Variants in ESRP1 observed in about 807,000 individuals in gnomAD.
ESRP1 encodes the protein epithelial splicing regulatory protein 1.
ESRP1 carries 33 observed loss-of-function variants against 81.7 expected under a neutral mutation model. The observed-to-expected ratio is 0.40, with a 90% CI of 0.31 to 0.54. The LOEUF is 0.54. Among genes scored for constraint, ESRP1 ranks in the 20% least tolerant of loss-of-function variants. The pLI is 0.41. For missense variants in ESRP1, 672 were observed against 833.1 expected, an observed-to-expected ratio of 0.81 and a Z score of 2.38; for synonymous variants, 320 against 303.3, an observed-to-expected ratio of 1.06 and a Z score of -0.57.
intron 13 of ESRP1, among the ~76,000 whole-genome samples, chr8:94,691,046 T>A (rs1809382535): frequency 6.6e-6 from 1 of 152,168 alleles, no homozygotes; most frequent in South Asian, 2.1e-4. Flanking sequence ...TCTGCAAAAA[T>A]GAAGAGGTAT....
rs1355564415 is a variant in ESRP1 at position 94,706,044 on chromosome 8, G to A, written c.*155G>A. ...TTTCAGCAAACTTGATTGGACAAAC[G>A]GGCCTGTGCCTTATCTTTTGGTGGA... On this transcript the variant is annotated 3_prime_UTR_variant, in exon 16 of 16. Coordinates refer to ENST00000433389, the MANE Select transcript of ESRP1 (RefSeq NM_017697.4). 9 of 1,227,116 alleles carry A rather than the reference G, an allele frequency of 7.3e-6. No individual in the cohort carries two copies. Among genetic ancestry groups the A allele is most frequent in the Middle Eastern group, 2.5e-4 (1 of 3,956 alleles). 76.0% of individuals were successfully genotyped at this position (1,227,116 alleles called of 1,614,324 possible).
intron 12 of ESRP1, among the ~76,000 whole-genome samples, chr8:94,675,584 G>T (rs1255501732): frequency 6.6e-6 from 1 of 152,102 alleles, no homozygotes; most frequent in African/African-American, 2.4e-5. Flanking sequence ...TTATAATTGG[G>T]TTAAGAGATC....
intron 13 of ESRP1, among the ~76,000 whole-genome samples, chr8:94,691,810 T>G (rs1809413335): frequency 6.6e-6 from 1 of 151,646 alleles, no homozygotes; most frequent in Non-Finnish European, 1.5e-5. Flanking sequence ...CTGATGACTT[T>G]TAAAAAATTC....
chr8:94,641,791 C>CG (rs1265197536), intron 1 of ESRP1, 165 bp from the exon 2 acceptor site: 6 of 870,236 alleles, frequency 6.9e-6, no homozygotes, highest in Admixed American at 5.4e-5. Context: ...GGGGGTGGGG[C>CG]GGGGGGCAGG....
At chr8:94,687,707 A>G (rs1264426749) in intron 13 of ESRP1, among the ~76,000 whole-genome samples, 2 of 152,090 alleles carry the variant, frequency 1.3e-5, no homozygotes, top group East Asian at 3.8e-4. Flanking sequence ...TGTGATTCTT[A>G]GCTATTTGCA....
In ESRP1 at chr8:94,664,706, G is replaced by T; in HGVS notation, c.654G>T (p.Met218Ile). The T allele has an allele frequency of 5.0e-6, 8 of 1,613,558 alleles. No homozygotes were observed. The highest frequency in any genetic ancestry group is 5.9e-6 in the Non-Finnish European group (7 of 1,179,548). ...TTTGCTTCATCCACAGCAGCAAGAT[G>T]GAACTTATTGATGATAACACCGTAG... is the stretch of plus-strand genomic sequence containing the variant. ...YKFESGTCSK[M>I]ELIDDNTVVR... Residue 218 changes from methionine (M) to isoleucine (I), a missense_variant, in exon 7 of 16, where the codon ATG becomes ATT. Met to Ile is a conservative substitution (Grantham distance 10, BLOSUM62 1). Transcript: ENST00000433389.
chr8:94,674,182 A>T, intron 11 of ESRP1, 126 bp from the exon 12 acceptor site: 2 of 1,012,258 alleles, frequency 2.0e-6, no homozygotes, highest in South Asian at 3.2e-5. Context: ...TCACACCATC[A>T]CCCGGATTTT....
chr8:94,670,114 C>T (rs1274192481), intron 10 of ESRP1, among the ~76,000 whole-genome samples: 1 of 152,180 alleles, frequency 6.6e-6, no homozygotes, highest in Non-Finnish European at 1.5e-5. Context: ...GGCTGCCTCT[C>T]TATGATTCTA....
intron 6 of ESRP1, among the ~76,000 whole-genome samples, chr8:94,663,241 CATTT>C (rs574824430): frequency 6.6e-6 from 1 of 152,036 alleles, no homozygotes; most frequent in African/African-American, 2.4e-5. Flanking sequence ...TCTATAAGTA[CATTT>C]ATTTATTTAT....
Position 94,692,775 on chromosome 8 carries a change from T to TCAG in ESRP1, c.1919_1920insCAG (p.Leu640_Ala641insArg). 2 of 1,613,818 alleles carry TCAG rather than the reference T, an allele frequency of 1.2e-6. No homozygotes were observed. Among genetic ancestry groups the TCAG allele is most frequent in the Non-Finnish European group, 1.7e-6 (2 of 1,179,818 alleles). On this transcript the variant is annotated inframe_insertion, in exon 14 of 16. Transcript: ENST00000433389. ...GGCACGGTGGTCAGAATGCAGGGCC[T>TCAG]GGCCTACAATACTGGAGTTAAGGAA...
intron 14 of ESRP1, among the ~76,000 whole-genome samples, chr8:94,695,605 C>T (rs925401023): frequency 1.3e-4 from 20 of 150,788 alleles, no homozygotes; most frequent in African/African-American, 2.7e-4. Context: ...CCTCGTGACC[C>T]GCCTGCGTTG....
At chr8:94,676,971 G>A (rs1230706726) in intron 12 of ESRP1, among the ~76,000 whole-genome samples, 1 of 151,984 alleles carries the variant, frequency 6.6e-6, no homozygotes, top group African/African-American at 2.4e-5. Flanking sequence ...TGACCAACAT[G>A]GCGAAACCCT....
intron 15 of ESRP1, 83 bp from the exon 16 acceptor site, chr8:94,705,842 G>T: frequency 1.6e-6 from 2 of 1,236,596 alleles, no homozygotes; most frequent in Non-Finnish European, 1.1e-6. Flanking sequence ...TGTGGAATTT[G>T]AAATCATTTT....
Position 94,671,647 on chromosome 8 carries a change from G to A in ESRP1, c.1428G>A (p.Gly476=), listed in dbSNP as rs139527251. 664 of 1,613,582 alleles carry A rather than the reference G, an allele frequency of 4.1e-4. 3 individuals are homozygous for A. In the African/African-American group the frequency reaches 7.5e-3, roughly 18 times the overall value. The change falls in exon 11 of 16, where the codon GGG becomes GGA. Residue 476 remains glycine (G), a synonymous_variant. Transcript: ENST00000433389. ...GEFATDIRTH[G]VHMVLNHQGR... ...TCGCCACAGATATTCGTACTCATGG[G>A]GTTCACATGGTTTTGAATCACCAGG...
chr8:94,688,847 A>G lies in ESRP1; in HGVS notation c.1821-3830A>G, dbSNP rs960541956. Among the ~76,000 whole-genome samples, 10 of 152,184 alleles carry G rather than the reference A, an allele frequency of 6.6e-5. No individual in the cohort carries two copies. In the East Asian group the frequency reaches 1.7e-3, roughly 26 times the overall value. ...AGTATTCTGGATCCTTTTTATTTCCATATACATTTTAGGTTCAGTTTTGTC... is the reference window on the plus strand; with the variant it reads ...AGTATTCTGGATCCTTTTTATTTCCGTATACATTTTAGGTTCAGTTTTGTC... On this transcript the variant is annotated intron_variant, in intron 13 of 15. Transcript: ENST00000433389.
At chr8:94,675,953 G>A (rs28369125) in intron 12 of ESRP1, among the ~76,000 whole-genome samples, 2,216 of 152,278 alleles carry the variant, frequency 0.015, 48 homozygotes, top group African/African-American at 0.05. Context: ...AACATAACGA[G>A]TTTATGTTTC....
intron 13 of ESRP1, among the ~76,000 whole-genome samples, chr8:94,679,143 G>A (rs1186283094): frequency 6.6e-6 from 1 of 152,218 alleles, no homozygotes; most frequent in Non-Finnish European, 1.5e-5. Flanking sequence ...TAAGGAGTAA[G>A]AGTTAGGGGT....
At chr8:94,664,224 A>G (rs1034875865) in intron 6 of ESRP1, among the ~76,000 whole-genome samples, 1 of 149,838 alleles carries the variant, frequency 6.7e-6, no homozygotes, top group African/African-American at 2.5e-5. Flanking sequence ...CCCAGGTTCA[A>G]GTGATTTTCC....
chr8:94,667,704 C>A (rs66641010), intron 9 of ESRP1, among the ~76,000 whole-genome samples: 8,549 of 152,200 alleles, frequency 0.056, 306 homozygotes, highest in East Asian at 0.16. Flanking sequence ...CAATGACTTA[C>A]TAGTGATTGG....
Sources: gnomAD v4.1 joint callset for allele counts (sites outside exome capture counted in the v4.1 genomes callset) on GRCh38, gnomAD v4.1.1 for gene constraint, MANE v1.5 for transcripts, NCBI Gene and HGNC (gene_info 2026-07-23, HGNC 2026-07-21) for gene names.